Variants in GANC observed in about 807,000 individuals in gnomAD.
GANC encodes the protein glucosidase alpha, neutral C.
GANC carries 117 observed loss-of-function variants against 124.2 expected under a neutral mutation model. That is an observed-to-expected ratio of 0.94 (90% CI 0.81 to 1.10). GANC has a LOEUF of 1.10. Among genes scored for constraint, GANC ranks in the 50% least tolerant of loss-of-function variants. The pLI is 0.00. For synonymous variants in GANC, 377 were observed against 376.8 expected, an observed-to-expected ratio of 1.00 and a Z score of -0.01; for missense variants, 1,140 against 1,095.0, an observed-to-expected ratio of 1.04 and a Z score of -0.58.
rs2051609554 is a variant in GANC at position 42,273,525 on chromosome 15, GC to G, written c.-956del. On this transcript the variant is annotated 5_prime_UTR_variant, in exon 1 of 24. Coordinates refer to ENST00000318010, the MANE Select transcript of GANC (RefSeq NM_198141.3). ...AAACGTCGCGGAGCTTGTTTGCTGTGCGGCGTAGCGGCCCCTCTCTCAGACA... is the reference window on the plus strand; with the variant it reads ...AAACGTCGCGGAGCTTGTTTGCTGTGGGCGTAGCGGCCCCTCTCTCAGACA... The G allele has an allele frequency of 6.9e-7, 1 of 1,447,578 alleles. No individual in the cohort carries two copies. Among genetic ancestry groups the G allele is most frequent in the South Asian group, 1.3e-5 (1 of 74,524 alleles). 89.7% of individuals were successfully genotyped at this position (1,447,578 alleles called of 1,614,324 possible). A position where few individuals can be genotyped will look rare whatever the true frequency, so the allele number is the denominator to read the frequency against.
chr15:42,344,598 G>C (rs531003675), intron 19 of GANC: 19 of 152,326 alleles, frequency 1.2e-4, no homozygotes, highest in African/African-American at 4.3e-4. Context: ...TGCTATGCTT[G>C]TCATTATTGA....
At chr15:42,300,224 T>C (rs908428568) in intron 6 of GANC, among the ~76,000 whole-genome samples, 36 of 152,084 alleles carry the variant, frequency 2.4e-4, no homozygotes, top group African/African-American at 8.4e-4. Flanking sequence ...TAAGTGCTAA[T>C]ATCCAGAATT....
chr15:42,284,552 A>G (rs1024778409), intron 3 of GANC, among the ~76,000 whole-genome samples: 2 of 152,234 alleles, frequency 1.3e-5, no homozygotes, highest in African/African-American at 4.8e-5. Flanking sequence ...AGAGGCTTGT[A>G]GTACTAAAAT....
At chr15:42,289,217 A>C (rs183126185) in intron 4 of GANC, among the ~76,000 whole-genome samples, 1 of 152,316 alleles carries the variant, frequency 6.6e-6, no homozygotes, top group African/African-American at 2.4e-5. Flanking sequence ...TGCACTTAAA[A>C]AAACCTTGAT....
intron 11 of GANC, among the ~76,000 whole-genome samples, 156 bp from the exon 12 acceptor site, chr15:42,326,142 T>TTTTTTG (rs1253879894): frequency 2.0e-5 from 3 of 152,246 alleles, no homozygotes; most frequent in South Asian, 2.1e-4. Flanking sequence ...GAAATATTTA[T>TTTTTTG]TTTTTGTTTT....
At chr15:42,321,349 T>C (rs1038853668) in intron 10 of GANC, among the ~76,000 whole-genome samples, 15 of 152,208 alleles carry the variant, frequency 9.9e-5, no homozygotes, top group Admixed American at 4.6e-4. Context: ...ATATTTATTT[T>C]TCTGTAAGCC....
At chr15:42,314,378 CA>C (rs2052084725) in intron 10 of GANC, 3 of 488,086 alleles carry the variant, frequency 6.1e-6, no homozygotes, top group Non-Finnish European at 1.1e-5. Context: ...CAACTTCTAC[CA>C]GCACCTTTTG....
rs764110820 is a variant in GANC at position 42,297,622 on chromosome 15, A to C, written c.524A>C (p.Glu175Ala). Residue 175 changes from glutamate to alanine, a missense_variant, in exon 6 of 24, where the codon GAA (glutamate) becomes GCA (alanine). Transcript: ENST00000318010. ...QILHKQRAAK[E>A]NEEETSVDTS... Reference sequence around the variant, plus strand: ...TTACGTTAAAACAGAGCTGCTAAAGAAAATGAGGAGGAGACATCAGTGGAC... The same window carrying C: ...TTACGTTAAAACAGAGCTGCTAAAGCAAATGAGGAGGAGACATCAGTGGAC... 6.2e-6 allele frequency: 10 copies of C among 1,612,500 alleles called. No individual in the cohort carries two copies. In the Middle Eastern group the frequency reaches 1.7e-3, roughly 266 times the overall value.
chr15:42,322,090 C>A, intron 11 of GANC, 70 bp downstream of exon 11: 1 of 1,267,430 alleles, frequency 7.9e-7, no homozygotes, highest in African/African-American at 1.5e-5. Flanking sequence ...CTTGCCTTGG[C>A]ACATCAGTGG....
At position 42,340,699 on chromosome 15, in the gene GANC, G is replaced by T. The variant is rs759678353; in HGVS notation, c.2097G>T (p.Trp699Cys). 1.1e-5 allele frequency: 18 copies of T among 1,606,336 alleles called. No individual in the cohort carries two copies. The African/African-American group carries it at 2.3e-4, about 20-fold the overall frequency. Reference protein sequence around the residue: ...VASQPVMRPLWVEFPDELKTF... With the variant: ...VASQPVMRPLCVEFPDELKTF... ...TTTTTTCTTTCCCCAGGCCTCTGTG[G>T]GTAGAGTTCCCTGATGAACTAAAGA... Residue 699 changes from tryptophan to cysteine, a missense_variant, in exon 18 of 24, where the codon TGG becomes TGT. Physicochemically the swap from Trp to Cys is radical, Grantham distance 215. Transcript: ENST00000318010.
chr15:42,278,155 C>T (rs1476145513), intron 2 of GANC: 1 of 223,020 alleles, frequency 4.5e-6, no homozygotes, highest in South Asian at 4.9e-5. Flanking sequence ...CTATTAAAGT[C>T]CATTTTATGG....
rs1481905142 is a variant in GANC at position 42,351,285 on chromosome 15, A to G, written c.2532-44A>G. ...AGATGTTGAGCTGGTGGCCACTTCA[A>G]ACCCCCATCCCTCTCCTTTTAATAC... On this transcript the variant is annotated intron_variant, in intron 22 of 23. Coordinates refer to ENST00000318010, the MANE Select transcript of GANC (RefSeq NM_198141.3). 2.0e-6 allele frequency: 3 copies of G among 1,466,498 alleles called. No homozygotes were observed. The Admixed American group carries it at 5.0e-5, about 25-fold the overall frequency. 90.8% of individuals were successfully genotyped at this position (1,466,498 alleles called of 1,614,324 possible).
chr15:42,310,271 T>C lies in GANC; in HGVS notation c.723-12T>C, dbSNP rs1240708519. The C allele has an allele frequency of 1.9e-6, 3 of 1,565,458 alleles. No individual in the cohort carries two copies. In the Admixed American group the frequency reaches 5.4e-5, roughly 28 times the overall value. On this transcript the variant is annotated splice_polypyrimidine_tract_variant and intron_variant, in intron 8 of 23. Transcript: ENST00000318010. The stretch of plus-strand genomic sequence containing the variant: ...TTTGTGATGGTAATTGATGATAATC[T>C]TTGTGTTTCAGTGATGGAGATGCTT...
chr15:42,349,343 A>G (rs556064106), intron 21 of GANC, 40 bp from the exon 22 acceptor site: 5 of 1,213,614 alleles, frequency 4.1e-6, no homozygotes, highest in Admixed American at 1.7e-5. Flanking sequence ...CTGTAAAGCT[A>G]TCATATAAGC....
At chr15:42,340,219 C>G (rs953809552) in intron 17 of GANC, among the ~76,000 whole-genome samples, 1 of 152,182 alleles carries the variant, frequency 6.6e-6, no homozygotes, top group Non-Finnish European at 1.5e-5. Flanking sequence ...TTTAACCTAT[C>G]AGTATCTTCT....
At position 42,292,931 on chromosome 15, in the gene GANC, T is replaced by G. The variant is rs756669734; in HGVS notation, c.512+14T>G. 1.6e-5 allele frequency: 26 copies of G among 1,610,390 alleles called. No individual in the cohort carries two copies. Among genetic ancestry groups the G allele is most frequent in the Non-Finnish European group, 1.9e-5 (22 of 1,177,018 alleles). On this transcript the variant is annotated intron_variant, in intron 5 of 23. Coordinates refer to ENST00000318010, the MANE Select transcript of GANC (RefSeq NM_198141.3). The stretch of plus-strand genomic sequence containing the variant: ...TCACAAACAAAGGTATTCTTATGCA[T>G]TACTTGACACATAAAGACCTTAACA...
In GANC at chr15:42,297,910, T is replaced by C. The variant is rs180851595; in HGVS notation, c.558+254T>C. On this transcript the variant is annotated intron_variant, in intron 6 of 23. Coordinates refer to ENST00000318010, the MANE Select transcript of GANC (RefSeq NM_198141.3). ...CCTACTTTTTGCCAGGCATTATTGCTAGGCAAGGAGAATCAGCCTTGAATA... is the reference window on the plus strand; with the variant it reads ...CCTACTTTTTGCCAGGCATTATTGCCAGGCAAGGAGAATCAGCCTTGAATA... Among the ~76,000 whole-genome samples, 402 of 152,282 alleles carry C rather than the reference T, an allele frequency of 2.6e-3. 1 individual carries two copies. Among genetic ancestry groups the C allele is most frequent in the African/African-American group, 9.3e-3 (388 of 41,562 alleles).
At chr15:42,287,908 A>C (rs8036596) in intron 4 of GANC, 90 bp downstream of exon 4, 1,119,660 of 1,352,110 alleles carry the variant, frequency 0.83, 471,531 homozygotes, top group Non-Finnish European at 0.87. Flanking sequence ...TGCACTTCTT[A>C]TTTTGGCTGC....
At chr15:42,311,869 G>T (rs1249422157) in intron 10 of GANC, among the ~76,000 whole-genome samples, 1 of 151,710 alleles carries the variant, frequency 6.6e-6, no homozygotes, top group East Asian at 1.9e-4. Flanking sequence ...AATTAGTTCT[G>T]TTTCTATATA....
Sources: gnomAD v4.1 joint callset for allele counts (sites outside exome capture counted in the v4.1 genomes callset) on GRCh38, gnomAD v4.1.1 for gene constraint, MANE v1.5 for transcripts, NCBI Gene and HGNC (gene_info 2026-07-23, HGNC 2026-07-21) for gene names.